PAIP1: variants seen among roughly 807,000 people sequenced by gnomAD.
The protein encoded by PAIP1 is poly(A) binding protein interacting protein 1, also known as polyadenylate-binding protein-interacting protein 1.
In PAIP1, 16 loss-of-function variants were observed where a neutral mutation model predicts 61.3. The ratio of observed to expected loss-of-function variants is 0.26; its 90% CI spans 0.18 to 0.40. PAIP1 has a LOEUF of 0.40. Ranked by LOEUF, PAIP1 falls within the 10% of genes least tolerant of loss-of-function variation. PAIP1 has a pLI of 1.00. For missense variants in PAIP1, 416 were observed against 600.9 expected (o/e 0.69, Z 3.22); for synonymous variants, 187 against 226.2 (o/e 0.83, Z 1.56).
chr5:43,554,511 G>C (rs1010995860), intron 2 of PAIP1, among the ~76,000 whole-genome samples: 2 of 151,986 alleles, frequency 1.3e-5, no homozygotes, highest in African/African-American at 2.4e-5. Context: ...TACAGCATAA[G>C]AATCATGGAG....
intron 4 of PAIP1, among the ~76,000 whole-genome samples, chr5:43,540,869 TTTCAAAGGG>T (rs1331016248): frequency 6.6e-6 from 1 of 152,032 alleles, no homozygotes; most frequent in African/African-American, 2.4e-5. Flanking sequence ...TACACCAGAA[TTTCAAAGGG>T]TTCAGACAGG....
In PAIP1 at chr5:43,543,017, A is replaced by G. The variant is rs573286377; in HGVS notation, c.721T>C (p.Leu241=). ...ATTTACACTGACCTTTGAAGTAGCA[A>G]TTGGCGGAAGTTGCCACTCTGTGGG... The part of the protein sequence containing the change: ...ISPQSGNFRQ[L]LLQRCRTEYE... The change falls in exon 4 of 11, where the codon TTG becomes CTG. Residue 241 remains leucine (L), a synonymous_variant. Transcript: ENST00000306846. The G allele has an allele frequency of 9.0e-6, 14 of 1,551,380 alleles. No individual in the cohort carries two copies. The East Asian group carries it at 1.3e-4, about 15-fold the overall frequency.
intron 6 of PAIP1, 69 bp from the exon 7 acceptor site, chr5:43,535,709 G>GT (rs1747118499): frequency 6.1e-6 from 5 of 817,414 alleles, no homozygotes; most frequent in Middle Eastern, 2.4e-4. Flanking sequence ...AAAGATACCA[G>GT]TAACAGTTCA....
chr5:43,540,612 AG>A (rs752583482), intron 4 of PAIP1, among the ~76,000 whole-genome samples: 1 of 152,262 alleles, frequency 6.6e-6, no homozygotes, highest in Non-Finnish European at 1.5e-5. Context: ...ACTGCTGTGA[AG>A]GTAACTTCCG....
chr5:43,557,303 G>C (rs13360902), upstream of PAIP1: 73,429 of 153,454 alleles, frequency 0.48, 18,615 homozygotes, highest in East Asian at 0.78. Flanking sequence ...GGCCAGGCTG[G>C]GGGGGATGAG....
chr5:43,539,908 T>C (rs981340383), intron 4 of PAIP1, among the ~76,000 whole-genome samples: 3 of 152,232 alleles, frequency 2.0e-5, no homozygotes, highest in Non-Finnish European at 4.4e-5. Context: ...TCTTTATTGA[T>C]AAGGTGAGAA....
intron 1 of PAIP1, 178 bp from the exon 2 acceptor site, chr5:43,556,177 T>C: frequency 7.2e-7 from 1 of 1,391,144 alleles, no homozygotes; most frequent in Non-Finnish European, 9.3e-7. Context: ...AACAATAGAC[T>C]TGCTGTGACT....
intron 10 of PAIP1, among the ~76,000 whole-genome samples, chr5:43,529,458 C>T (rs1485062671): frequency 6.6e-6 from 1 of 151,736 alleles, no homozygotes; most frequent in East Asian, 1.9e-4. Flanking sequence ...AGCTGGAGTG[C>T]AGTGGCACGA....
chr5:43,549,326 C>T (rs1481508859), intron 2 of PAIP1, among the ~76,000 whole-genome samples: 2 of 152,188 alleles, frequency 1.3e-5, no homozygotes, highest in African/African-American at 4.8e-5. Context: ...GTGTCCCCAC[C>T]TAAATCTCAA....
At chr5:43,550,557 C>G (rs1747823295) in intron 2 of PAIP1, among the ~76,000 whole-genome samples, 1 of 151,972 alleles carries the variant, frequency 6.6e-6, no homozygotes, top group African/African-American at 2.4e-5. Context: ...TGATAGACAC[C>G]ATAAGGGCTT....
intron 2 of PAIP1, among the ~76,000 whole-genome samples, chr5:43,551,843 G>A (rs754879296): frequency 3.3e-5 from 5 of 150,568 alleles, no homozygotes; most frequent in South Asian, 4.2e-4. Flanking sequence ...GAATATAGCA[G>A]AACAGAGGAT....
chr5:43,543,872 T>C (rs1205035422), intron 3 of PAIP1, among the ~76,000 whole-genome samples: 2 of 152,150 alleles, frequency 1.3e-5, no homozygotes, highest in Non-Finnish European at 2.9e-5. Flanking sequence ...TCGGGCACAG[T>C]GGCTCATGCC....
intron 2 of PAIP1, among the ~76,000 whole-genome samples, chr5:43,555,234 T>C (rs759529598): frequency 6.6e-6 from 1 of 152,244 alleles, no homozygotes; most frequent in Non-Finnish European, 1.5e-5. Flanking sequence ...AAGTACACTA[T>C]TCTCTGCTAT....
chr5:43,539,489 C>A (rs550264980), intron 4 of PAIP1, among the ~76,000 whole-genome samples: 2 of 145,696 alleles, frequency 1.4e-5, no homozygotes, highest in Admixed American at 6.8e-5. Flanking sequence ...ACACACACAA[C>A]CTCCAACTGA....
chr5:43,528,426 A>T (rs1439075684), intron 10 of PAIP1, among the ~76,000 whole-genome samples: 1 of 152,128 alleles, frequency 6.6e-6, no homozygotes, highest in Non-Finnish European at 1.5e-5. Context: ...CATTTCCAAT[A>T]CAGGGCCATG....
chr5:43,542,863 A>C (rs1747468382), intron 4 of PAIP1, 141 bp downstream of exon 4: 1 of 477,980 alleles, frequency 2.1e-6, no homozygotes, highest in Admixed American at 3.8e-5. Context: ...GGTATACTGA[A>C]CTATAAACTT....
At chr5:43,553,405 A>G (rs1366508788) in intron 2 of PAIP1, among the ~76,000 whole-genome samples, 1 of 152,212 alleles carries the variant, frequency 6.6e-6, no homozygotes, top group African/African-American at 2.4e-5. Flanking sequence ...AGCAGATTCA[A>G]TAAATGTCTG....
At chr5:43,534,374 G>C (rs1747061418) in intron 8 of PAIP1, among the ~76,000 whole-genome samples, 1 of 152,082 alleles carries the variant, frequency 6.6e-6, no homozygotes, top group South Asian at 2.1e-4. Flanking sequence ...TGACTTTGTA[G>C]TTTTAGTAGA....
At position 43,527,021 on chromosome 5, in the gene PAIP1, T is replaced by A. The variant is rs1415208334; in HGVS notation, c.*355A>T. ...AGGATGCTACATTTTTGCAGTAATATGTATTTCCAGAAGAAGACTTTTTCC... is the reference window on the plus strand; with the variant it reads ...AGGATGCTACATTTTTGCAGTAATAAGTATTTCCAGAAGAAGACTTTTTCC... On this transcript the variant is annotated 3_prime_UTR_variant, in exon 11 of 11. Coordinates refer to ENST00000306846, the MANE Select transcript of PAIP1 (RefSeq NM_006451.5). 1.3e-5 allele frequency: 2 copies of A among 157,392 alleles called. No homozygotes were observed. The highest frequency in any genetic ancestry group is 2.4e-5 in the African/African-American group (1 of 41,692). The allele number at this position is 157,392 out of a possible 1,614,324, so 9.7% of individuals were successfully genotyped here. A position where few individuals can be genotyped will look rare whatever the true frequency, so the allele number is the denominator to read the frequency against.
Sources: allele counts gnomAD v4.1 joint callset (sites outside exome capture counted in the v4.1 genomes callset), GRCh38; gene constraint gnomAD v4.1.1; transcripts MANE v1.5; gene names NCBI Gene and HGNC (gene_info 2026-07-23, HGNC 2026-07-21).